The following CHD9 variants were observed in gnomAD, a reference collection of about 807,000 sequenced individuals.
The protein encoded by CHD9 is chromodomain helicase DNA binding protein 9.
Under a neutral mutation model 316.1 loss-of-function variants are expected in CHD9, and 77 were observed. That is an observed-to-expected ratio of 0.24 (90% CI 0.20 to 0.29). The LOEUF is 0.29. CHD9 is among the 10% of genes least tolerant of loss of function. The pLI is 1.00. For synonymous variants in CHD9, 1,129 were observed against 1,158.3 expected, an observed-to-expected ratio of 0.97 and a Z score of 0.51; for missense variants, 2,763 against 3,438.1, an observed-to-expected ratio of 0.80 and a Z score of 4.91.
chr16:53,151,077 T>C (rs532355527), intron 1 of CHD9, among the ~76,000 whole-genome samples: 3 of 152,290 alleles, frequency 2.0e-5, no homozygotes, highest in East Asian at 1.9e-4. Flanking sequence ...TCTCTCTCCT[T>C]CTTCTGGGAT....
chr16:53,061,040 C>G (rs1274821586), intron 1 of CHD9, among the ~76,000 whole-genome samples: 1 of 150,994 alleles, frequency 6.6e-6, no homozygotes, highest in East Asian at 1.9e-4. Flanking sequence ...GATTCTCCTG[C>G]CTCAGTTTCC....
chr16:53,230,463 T>TA (rs1328547800), intron 8 of CHD9, among the ~76,000 whole-genome samples: 4 of 151,980 alleles, frequency 2.6e-5, no homozygotes, highest in South Asian at 2.1e-4. Context: ...CTATTTTTTT[T>TA]AAAAAAAGAT....
At chr16:53,174,844 A>C (rs2042997295) in intron 2 of CHD9, among the ~76,000 whole-genome samples, 1 of 152,092 alleles carries the variant, frequency 6.6e-6, no homozygotes, top group Admixed American at 6.6e-5. Context: ...TCCTTTGCAT[A>C]CCTGATAATG....
At chr16:53,087,011 C>G (rs565066172) in intron 1 of CHD9, among the ~76,000 whole-genome samples, 9 of 152,280 alleles carry the variant, frequency 5.9e-5, no homozygotes, top group African/African-American at 2.2e-4. Context: ...CACCTGGTGC[C>G]CTAAACCTTC....
rs2050402608 is a variant in CHD9 at position 53,254,422 on chromosome 16, C to T, written c.3862-16C>T. 2 of 1,523,558 alleles carry T rather than the reference C, an allele frequency of 1.3e-6. No individual in the cohort carries two copies. The highest frequency in any genetic ancestry group is 2.3e-5 in the East Asian group (1 of 43,546). 94.4% of individuals were successfully genotyped at this position (1,523,558 alleles called of 1,614,324 possible). On this transcript the variant is annotated splice_polypyrimidine_tract_variant and intron_variant, in intron 17 of 38. Coordinates refer to ENST00000447540, the MANE Select transcript of CHD9 (RefSeq NM_001308319.2). ...TTTGAGAAACTAATTAAATATGTAACTTTTCATTTTTATAGGCCCAAGCTC... is the reference window on the plus strand; with the variant it reads ...TTTGAGAAACTAATTAAATATGTAATTTTTCATTTTTATAGGCCCAAGCTC...
At position 53,255,649 on chromosome 16, in the gene CHD9, C is replaced by G; in HGVS notation, c.4079C>G (p.Ala1360Gly). Residue 1360 changes from alanine (A) to glycine (G), a missense_variant, in exon 19 of 39, where the codon GCT becomes GGT. This residue lies in a region of CHD9 where 199 missense variants were observed against 251.7 expected (regional missense o/e 0.79). Coordinates refer to ENST00000447540, the MANE Select transcript of CHD9 (RefSeq NM_001308319.2). ...ATAGAAGATCTGCTTCGAAGAGGTGCTTATGGTGCTATTATGGAGGAAGAA... is the reference window on the plus strand; with the variant it reads ...ATAGAAGATCTGCTTCGAAGAGGTGGTTATGGTGCTATTATGGAGGAAGAA... ...KEIEDLLRRG[A>G]YGAIMEEEDE... The G allele has an allele frequency of 5.0e-6, 8 of 1,613,740 alleles. No homozygotes were observed. Among genetic ancestry groups the G allele is most frequent in the Non-Finnish European group, 6.8e-6 (8 of 1,179,752 alleles).
chr16:53,109,220 A>G (rs1043931302), intron 1 of CHD9, among the ~76,000 whole-genome samples: 3 of 152,174 alleles, frequency 2.0e-5, no homozygotes, highest in African/African-American at 7.2e-5. Flanking sequence ...GGCACAGGAA[A>G]AAGGCTGCTG....
chr16:53,244,138 CTTCT>C (rs1212714765), intron 13 of CHD9, among the ~76,000 whole-genome samples: 1 of 150,452 alleles, frequency 6.6e-6, no homozygotes, highest in Admixed American at 6.6e-5. Flanking sequence ...TGTTTATTTT[CTTCT>C]TTTACTATTC....
At chr16:53,151,638 T>C (rs1199848574) in intron 1 of CHD9, among the ~76,000 whole-genome samples, 1 of 152,246 alleles carries the variant, frequency 6.6e-6, no homozygotes, top group African/African-American at 2.4e-5. Flanking sequence ...TCAAGTTTGC[T>C]GATTATTTCT....
intron 19 of CHD9, among the ~76,000 whole-genome samples, chr16:53,257,848 A>G (rs921143895): frequency 6.6e-6 from 1 of 152,054 alleles, no homozygotes; most frequent in Non-Finnish European, 1.5e-5. Context: ...AAGTAGATGT[A>G]CCCCGGCTCT....
intron 38 of CHD9, among the ~76,000 whole-genome samples, chr16:53,323,391 C>A (rs1313924167): frequency 1.3e-5 from 2 of 152,152 alleles, no homozygotes; most frequent in African/African-American, 4.8e-5. Flanking sequence ...ACTCTTAAAA[C>A]TTCTAAGAGT....
chr16:53,191,034 A>C (rs1463441660), intron 2 of CHD9, among the ~76,000 whole-genome samples: 3 of 152,126 alleles, frequency 2.0e-5, no homozygotes, highest in Non-Finnish European at 4.4e-5. Flanking sequence ...GGTAATCATT[A>C]CCGCAATTAA....
At chr16:53,198,757 A>G (rs918951260) in intron 2 of CHD9, among the ~76,000 whole-genome samples, 9 of 152,144 alleles carry the variant, frequency 5.9e-5, no homozygotes, top group African/African-American at 1.7e-4. Flanking sequence ...AACATGCTCA[A>G]TTGTTAAAAA....
At chr16:53,269,957 A>G (rs1375899633) in intron 22 of CHD9, among the ~76,000 whole-genome samples, 1 of 152,018 alleles carries the variant, frequency 6.6e-6, no homozygotes, top group Non-Finnish European at 1.5e-5. Context: ...AACCTAAAAG[A>G]GATTGAAAAG....
At chr16:53,249,396 T>C (rs1370921357) in intron 16 of CHD9, among the ~76,000 whole-genome samples, 3 of 152,210 alleles carry the variant, frequency 2.0e-5, no homozygotes, top group Admixed American at 2.0e-4. Flanking sequence ...TTTGCAGTAA[T>C]GACTATAAAG....
chr16:53,257,520 G>T (rs866036833), intron 19 of CHD9, among the ~76,000 whole-genome samples: 1 of 152,158 alleles, frequency 6.6e-6, no homozygotes, highest in African/African-American at 2.4e-5. Context: ...GAATCAATAG[G>T]TGTAGATGAC....
intron 19 of CHD9, 71 bp from the exon 20 acceptor site, chr16:53,262,916 A>T (rs1031707373): frequency 1.3e-5 from 15 of 1,184,000 alleles, no homozygotes; most frequent in Middle Eastern, 1.9e-4. Flanking sequence ...ATCCATAGTA[A>T]ATGTGAGGAG....
intron 1 of CHD9, among the ~76,000 whole-genome samples, chr16:53,098,988 G>T (rs2036611356): frequency 6.6e-6 from 1 of 152,214 alleles, no homozygotes; most frequent in Non-Finnish European, 1.5e-5. Context: ...CCTACTGTCT[G>T]TCTCCAGCCT....
chr16:53,197,521 T>C (rs1597387828), intron 2 of CHD9, among the ~76,000 whole-genome samples: 1 of 152,148 alleles, frequency 6.6e-6, no homozygotes, highest in East Asian at 1.9e-4. Context: ...TATGCTGTTA[T>C]GGAAGATAAG....
Sources: allele counts gnomAD v4.1 joint callset (sites outside exome capture counted in the v4.1 genomes callset), GRCh38; gene constraint gnomAD v4.1.1; regional missense constraint gnomAD v4.1.1; transcripts MANE v1.5; gene names NCBI Gene and HGNC (gene_info 2026-07-23, HGNC 2026-07-21).